Variants in KCNN3 observed in about 807,000 individuals in gnomAD.
KCNN3 encodes potassium calcium-activated channel subfamily N member 3.
KCNN3 carries 16 observed loss-of-function variants against 62.9 expected under a neutral mutation model. The observed-to-expected ratio is 0.25, with a 90% CI of 0.17 to 0.39. The LOEUF is 0.39. KCNN3 is among the 10% of genes least tolerant of loss of function. KCNN3 has a pLI of 1.00. For missense variants in KCNN3, 599 were observed against 949.4 expected (o/e 0.63, Z 4.85); for synonymous variants, 370 against 389.2 (o/e 0.95, Z 0.58).
At chr1:154,731,730 G>A (rs377623235) in intron 4 of KCNN3, among the ~76,000 whole-genome samples, 14 of 152,152 alleles carry the variant, frequency 9.2e-5, no homozygotes, top group African/African-American at 3.4e-4. Flanking sequence ...AAAGGTGTGA[G>A]GGGGGCTGTG....
rs1211130577 is a variant in KCNN3, at chr1:154,744,796, G to A, written c.1449-11652C>T. On this transcript the variant is annotated intron_variant, in intron 3 of 7. Coordinates refer to ENST00000271915, the MANE Select transcript of KCNN3 (RefSeq NM_002249.6). ...GGTATTATGAGTTCCTTTAGTTTAGGAGCATTTCAGAAATGCTTGAGGCGT... is the reference window on the plus strand; with the variant it reads ...GGTATTATGAGTTCCTTTAGTTTAGAAGCATTTCAGAAATGCTTGAGGCGT... Among the ~76,000 whole-genome samples, 13 of 152,138 alleles carry A rather than the reference G, an allele frequency of 8.5e-5. No homozygotes were observed. The South Asian group carries it at 1.0e-3, about 12-fold the overall frequency.
At chr1:154,733,919 G>A (rs1282124651) in intron 3 of KCNN3, among the ~76,000 whole-genome samples, 2 of 152,206 alleles carry the variant, frequency 1.3e-5, no homozygotes, top group Non-Finnish European at 2.9e-5. Flanking sequence ...TGCCCTCAGG[G>A]ACCCAGCCCA....
chr1:154,786,360 CTTA>C (rs1649283498), intron 2 of KCNN3, among the ~76,000 whole-genome samples: 1 of 152,118 alleles, frequency 6.6e-6, no homozygotes, highest in African/African-American at 2.4e-5. Context: ...AAAAGAACTG[CTTA>C]TTATAATTTT....
At chr1:154,714,570 G>A (rs796094379) in intron 6 of KCNN3, among the ~76,000 whole-genome samples, 2 of 57,210 alleles carry the variant, frequency 3.5e-5, no homozygotes, top group African/African-American at 6.3e-5. Context: ...TGTGTGTGGT[G>A]TGTGTGTGTG....
At chr1:154,807,115 C>A (rs1235033791) in intron 2 of KCNN3, among the ~76,000 whole-genome samples, 1 of 152,076 alleles carries the variant, frequency 6.6e-6, no homozygotes, top group Non-Finnish European at 1.5e-5. Context: ...ATGCAGTCAA[C>A]CCGCAGCAAC....
rs1054260211 is a variant in KCNN3 at position 154,714,735 on chromosome 1, C to G, written c.1829+141G>C. 5.3e-4 allele frequency: 619 copies of G among 1,170,808 alleles called. 2 individuals carry two copies. The highest frequency in any genetic ancestry group is 4.2e-4 in the Admixed American group (24 of 56,598). 72.5% of individuals were successfully genotyped at this position (1,170,808 alleles called of 1,614,324 possible). On this transcript the variant is annotated intron_variant, in intron 6 of 7. Transcript: ENST00000271915. ...ATTCCTGGCATGTGGCTGGTGCAGT[C>G]AGTGAGTGATCAGACCCAGTTCACC... is the stretch of plus-strand genomic sequence containing the variant.
In KCNN3 at chr1:154,714,867, C is replaced by G. The variant is rs772775312; in HGVS notation, c.1829+9G>C. ...TCATCTGATGGCTGAACCGCTCTGG[C>G]ATACTCACTGGTGGATAGCTTGGAG... On this transcript the variant is annotated intron_variant, in intron 6 of 7. Coordinates refer to ENST00000271915, the MANE Select transcript of KCNN3 (RefSeq NM_002249.6). 6.2e-7 allele frequency: 1 copy of G among 1,613,314 alleles called. No homozygotes were observed. The highest frequency in any genetic ancestry group is 8.5e-7 in the Non-Finnish European group (1 of 1,179,500).
intron 2 of KCNN3, among the ~76,000 whole-genome samples, chr1:154,773,522 A>G (rs1648662105): frequency 6.6e-6 from 1 of 152,236 alleles, no homozygotes; most frequent in South Asian, 2.1e-4. Flanking sequence ...GAAGTCAGGT[A>G]AATGTGGTGG....
At chr1:154,865,460 A>G (rs1443923843) in intron 1 of KCNN3, among the ~76,000 whole-genome samples, 1 of 152,176 alleles carries the variant, frequency 6.6e-6, no homozygotes, top group South Asian at 2.1e-4. Context: ...TGTCCCAGGC[A>G]TAATAATGAG....
intron 2 of KCNN3, among the ~76,000 whole-genome samples, chr1:154,800,750 G>C (rs1649921204): frequency 6.6e-6 from 1 of 152,080 alleles, no homozygotes; most frequent in Non-Finnish European, 1.5e-5. Flanking sequence ...AAACAGATTA[G>C]GACTGTATCC....
chr1:154,733,412 G>C (rs1384130612), intron 3 of KCNN3, among the ~76,000 whole-genome samples: 2 of 152,168 alleles, frequency 1.3e-5, no homozygotes, highest in Non-Finnish European at 2.9e-5. Context: ...CCTCATTGTA[G>C]ACATCCTTTT....
chr1:154,827,958 C>T (rs186344961), intron 1 of KCNN3, among the ~76,000 whole-genome samples: 3 of 152,154 alleles, frequency 2.0e-5, no homozygotes, highest in Non-Finnish European at 2.9e-5. Context: ...AATGAAGTCA[C>T]TCAGACCCTC....
Position 154,714,567 on chromosome 1 carries a change from G to T in KCNN3, c.1829+309C>A, listed in dbSNP as rs987457354. On this transcript the variant is annotated intron_variant, in intron 6 of 7. Coordinates refer to ENST00000271915, the MANE Select transcript of KCNN3 (RefSeq NM_002249.6). ...GGGTGTGTGTGTGTGGTGTGTGTGT[G>T]GTGTGTGTGTGTGGTGTGTATGGTG... 1.2e-4 allele frequency among the ~76,000 whole-genome samples: 8 copies of T among 69,298 alleles called. No individual in the cohort carries two copies. In the East Asian group the frequency reaches 3.5e-3, roughly 30 times the overall value. The allele number at this position is 69,298 out of a possible 152,430, so 45.5% of individuals were successfully genotyped here.
rs765994411 is a variant in KCNN3 at position 154,869,228 on chromosome 1, G to T, written c.737C>A (p.Ala246Asp). The part of the protein sequence containing the change: ...HPNATHNHQH[A>D]GTTASSTTFP... ...GGTGGTGCTGCTGGCGGTGGTGCCG[G>T]CATGCTGGTGGTTGTGGGTGGCATT... Residue 246 changes from alanine to aspartate, a missense_variant, in exon 1 of 8, where the codon GCC becomes GAC. Ala to Asp is a moderately radical substitution (Grantham distance 126). Around this residue, in one of 7 missense-constraint regions of KCNN3, gnomAD observed 80 missense variants for 85.4 expected, o/e 0.94. Coordinates refer to ENST00000271915, the MANE Select transcript of KCNN3 (RefSeq NM_002249.6). The surrounding 1 kb of genome is among the most constrained non-coding windows in gnomAD (Gnocchi z 6.1). 1 of 1,613,980 alleles carries T rather than the reference G, an allele frequency of 6.2e-7. No individual in the cohort carries two copies. The highest frequency in any genetic ancestry group is 8.5e-7 in the Non-Finnish European group (1 of 1,180,022).
chr1:154,864,381 G>A (rs765663583), intron 1 of KCNN3, among the ~76,000 whole-genome samples: 3 of 152,272 alleles, frequency 2.0e-5, no homozygotes, highest in Non-Finnish European at 4.4e-5. Context: ...AGCCAAGCCT[G>A]CACTGCTGCT....
chr1:154,862,435 G>A lies in KCNN3; in HGVS notation c.933+6597C>T, dbSNP rs6699080. On this transcript the variant is annotated intron_variant, in intron 1 of 7. Transcript: ENST00000271915. This position sits in a 1 kb window ranked among gnomAD's most constrained non-coding sequence, Gnocchi z 4.1. Reference sequence around the variant, plus strand: ...AAAGGCAGCCTAAGAGAAGAGCAAGGTGGAGGTGAGGGGTGAGAGAGTTAT... The same window carrying A: ...AAAGGCAGCCTAAGAGAAGAGCAAGATGGAGGTGAGGGGTGAGAGAGTTAT... Among the ~76,000 whole-genome samples the A allele has an allele frequency of 0.45, 68,755 of 151,934 alleles. 16,607 individuals carry two copies. Among genetic ancestry groups the A allele is most frequent in the East Asian group, 0.91 (4,683 of 5,154 alleles).
intron 2 of KCNN3, among the ~76,000 whole-genome samples, chr1:154,801,877 G>A (rs1233309650): frequency 6.6e-6 from 1 of 152,208 alleles, no homozygotes; most frequent in African/African-American, 2.4e-5. Flanking sequence ...GGGCGCGCCA[G>A]GAACGCTCTC....
chr1:154,854,631 G>A lies in KCNN3; in HGVS notation c.933+14401C>T, dbSNP rs1245141729. ...TCTTTTGTGGGTTTTTTCTACTACA[G>A]TCATGTGTCCCATAATGACATTTCA... On this transcript the variant is annotated intron_variant, in intron 1 of 7. Transcript: ENST00000271915. 2.0e-5 allele frequency among the ~76,000 whole-genome samples: 3 copies of A among 152,130 alleles called. No homozygotes were observed. The East Asian group carries it at 5.8e-4, about 29-fold the overall frequency.
chr1:154,826,062 CAAAAACAA>C (rs773406411), intron 1 of KCNN3, among the ~76,000 whole-genome samples: 3 of 129,416 alleles, frequency 2.3e-5, no homozygotes, highest in East Asian at 2.2e-4. Context: ...AAAACAAAAA[CAAAAACAA>C]AAACAAAAAC....
Sources: gnomAD v4.1 joint callset for allele counts (sites outside exome capture counted in the v4.1 genomes callset) on GRCh38, gnomAD v4.1.1 for gene constraint, gnomAD v4.1.1 regional missense constraint, Gnocchi (gnomAD v3.1) non-coding constraint, MANE v1.5 for transcripts, NCBI Gene and HGNC (gene_info 2026-07-23, HGNC 2026-07-21) for gene names.